The following DGLUCY variants were observed in gnomAD, a reference collection of about 807,000 sequenced individuals.
DGLUCY encodes D-glutamate cyclase, mitochondrial.
Under a neutral mutation model 58.5 loss-of-function variants are expected in DGLUCY, and 58 were observed. The observed-to-expected ratio is 0.99, with a 90% CI of 0.80 to 1.23. DGLUCY has a LOEUF of 1.23. Among genes scored for constraint, DGLUCY ranks in the 50% most tolerant of loss-of-function variants. DGLUCY has a pLI of 0.00. For missense variants in DGLUCY, 779 were observed against 784.7 expected (o/e 0.99, Z 0.09); for synonymous variants, 325 against 314.1 (o/e 1.03, Z -0.37).
chr14:91,210,674 A>G (rs1567011335), intron 12 of DGLUCY, among the ~76,000 whole-genome samples: 1 of 152,240 alleles, frequency 6.6e-6, no homozygotes, highest in Non-Finnish European at 1.5e-5. Context: ...ACACCCATTC[A>G]TGATAAAAAC....
Position 91,204,817 on chromosome 14 carries a change from T to A in DGLUCY, c.1556T>A (p.Val519Asp). 1 of 1,614,038 alleles carries A rather than the reference T, an allele frequency of 6.2e-7. No homozygotes were observed. The highest frequency in any genetic ancestry group is 8.5e-7 in the Non-Finnish European group (1 of 1,179,982). Residue 519 changes from valine (V) to aspartate (D), a missense_variant, in exon 12 of 14, where the codon GTC becomes GAC. By Grantham distance (152) the Val-to-Asp change is radical. Transcript: ENST00000256324. Reference sequence around the variant, plus strand: ...TGCGACGTGGAGGCTGACTTTGCCGTCATTGCTGGTGAGCACTCGGATGGC... The same window carrying A: ...TGCGACGTGGAGGCTGACTTTGCCGACATTGCTGGTGAGCACTCGGATGGC... Reference protein sequence around the residue: ...IACDVEADFAVIAGVSNWGGY... With the variant: ...IACDVEADFADIAGVSNWGGY...
In DGLUCY at chr14:91,155,189, G is replaced by A. The variant is rs191463283; in HGVS notation, c.-81-2450G>A. On this transcript the variant is annotated intron_variant, in intron 1 of 13. Transcript: ENST00000256324. Reference sequence around the variant, plus strand: ...ACACGATGGTAGATGGTAATTATGCGTTTAATGTCTGTCTCCTGGGACGGT... The same window carrying A: ...ACACGATGGTAGATGGTAATTATGCATTTAATGTCTGTCTCCTGGGACGGT... Among the ~76,000 whole-genome samples the A allele has an allele frequency of 1.5e-3, 234 of 152,304 alleles. 2 individuals carry two copies. The highest frequency in any genetic ancestry group is 0.014 in the Middle Eastern group (4 of 294).
chr14:91,077,806 A>G (rs2044052724), intron 1 of DGLUCY, among the ~76,000 whole-genome samples: 1 of 150,604 alleles, frequency 6.6e-6, no homozygotes, highest in African/African-American at 2.4e-5. Context: ...GGAAAGAAGA[A>G]AGGAGAGAGA....
chr14:91,077,948 AT>A (rs59859030), intron 1 of DGLUCY, among the ~76,000 whole-genome samples: 43,164 of 151,990 alleles, frequency 0.28, 6,232 homozygotes, highest in Middle Eastern at 0.32. Context: ...ATAGCAAACT[AT>A]CCCCACAAAC....
At chr14:91,222,771 A>G (rs1887705070) in intron 13 of DGLUCY, among the ~76,000 whole-genome samples, 1 of 152,212 alleles carries the variant, frequency 6.6e-6, no homozygotes, top group African/African-American at 2.4e-5. Flanking sequence ...TCGTAGCTCA[A>G]GCTGCTATTT....
intron 10 of DGLUCY, among the ~76,000 whole-genome samples, chr14:91,198,448 G>A (rs1017356832): frequency 2.7e-5 from 4 of 150,654 alleles, no homozygotes; most frequent in African/African-American, 9.8e-5. Flanking sequence ...GGGCCCAGGC[G>A]ATTCTCCCAC....
intron 7 of DGLUCY, among the ~76,000 whole-genome samples, chr14:91,178,065 G>A (rs898783054): frequency 6.6e-6 from 1 of 152,206 alleles, no homozygotes; most frequent in Non-Finnish European, 1.5e-5. Context: ...GGGCACCCCA[G>A]CATGGCATGT....
At chr14:91,140,425 A>C (rs1430178631) in intron 1 of DGLUCY, among the ~76,000 whole-genome samples, 1 of 152,184 alleles carries the variant, frequency 6.6e-6, no homozygotes, top group Admixed American at 6.5e-5. Context: ...TAACCCCAGC[A>C]CTTTGGGAGG....
At chr14:91,129,635 ATGTTTTT>A (rs1388864798) in intron 1 of DGLUCY, among the ~76,000 whole-genome samples, 1 of 150,890 alleles carries the variant, frequency 6.6e-6, no homozygotes, top group Non-Finnish European at 1.5e-5. Context: ...ATTCAACATG[ATGTTTTT>A]TGTTTTTTGT....
chr14:91,153,364 G>A (rs935726207), intron 1 of DGLUCY, among the ~76,000 whole-genome samples: 2 of 152,134 alleles, frequency 1.3e-5, no homozygotes, highest in African/African-American at 4.8e-5. Flanking sequence ...TGTATTTTTA[G>A]TAGAGACAGG....
At chr14:91,174,295 T>A (rs527422919) in intron 6 of DGLUCY, among the ~76,000 whole-genome samples, 22 of 152,286 alleles carry the variant, frequency 1.4e-4, no homozygotes, top group African/African-American at 4.3e-4. Context: ...TTATTTAATT[T>A]AATTAAATTA....
At chr14:91,177,248 G>A (rs190903881) in intron 7 of DGLUCY, among the ~76,000 whole-genome samples, 81 of 152,258 alleles carry the variant, frequency 5.3e-4, no homozygotes, top group Middle Eastern at 3.4e-3. Flanking sequence ...TGATTCTCCT[G>A]CCCCAGCCTC....
Position 91,079,904 on chromosome 14 carries a change from C to A in DGLUCY, c.-82+19200C>A, listed in dbSNP as rs561645646. On this transcript the variant is annotated intron_variant, in intron 1 of 4. Transcript: ENST00000521334. ...ATTTAAAATGTTGTATCACCATCAC[C>A]CTATCTACACCCAAAACATTCTGTC... Among the ~76,000 whole-genome samples the A allele has an allele frequency of 8.2e-4, 125 of 151,888 alleles. 1 individual carries two copies. The highest frequency in any genetic ancestry group is 1.2e-3 in the Admixed American group (19 of 15,246).
intron 1 of DGLUCY, chr14:91,091,109 A>G (rs1045433448): frequency 6.6e-6 from 1 of 152,236 alleles, no homozygotes; most frequent in African/African-American, 2.4e-5. Context: ...TTTGTCTAGA[A>G]GGTTTTCTGG....
intron 10 of DGLUCY, among the ~76,000 whole-genome samples, chr14:91,199,310 A>G (rs1397134798): frequency 6.6e-6 from 1 of 150,410 alleles, no homozygotes; most frequent in East Asian, 1.9e-4. Flanking sequence ...CCCAGGCTGG[A>G]GTGCAGTGGT....
rs111612355 is a variant in DGLUCY, at chr14:91,217,254, A to G, written c.1716+1698A>G. 1.8e-3 allele frequency among the ~76,000 whole-genome samples: 271 copies of G among 152,320 alleles called. 2 individuals are homozygous for G. Among genetic ancestry groups the G allele is most frequent in the Middle Eastern group, 6.8e-3 (2 of 294 alleles). On this transcript the variant is annotated intron_variant, in intron 13 of 13. Transcript: ENST00000256324. ...GTCAGATGTGACTTCACCTGTGAGC[A>G]GACAGCAGCCTGAGGGATTAGAGGT...
chr14:91,153,703 C>T (rs1408093352), intron 1 of DGLUCY, among the ~76,000 whole-genome samples: 6 of 152,186 alleles, frequency 3.9e-5, no homozygotes, highest in Non-Finnish European at 1.5e-5. Flanking sequence ...TCATGCAGGC[C>T]TTGCCGGGCC....
rs758165531 is a variant in DGLUCY, at chr14:91,215,616, GC to G, written c.1716+62del. The G allele has an allele frequency of 4.1e-4, 653 of 1,608,820 alleles. 1 individual carries two copies. Among genetic ancestry groups the G allele is most frequent in the Middle Eastern group, 5.0e-4 (3 of 6,060 alleles). On this transcript the variant is annotated intron_variant, in intron 13 of 13. Transcript: ENST00000256324. Reference sequence around the variant, plus strand: ...AGCTTTTACCCTGGATGAGCAGCAGGCCTGAGGTCCCAAGCCGTAAGCCGAG... The same window carrying G: ...AGCTTTTACCCTGGATGAGCAGCAGGCTGAGGTCCCAAGCCGTAAGCCGAG...
At chr14:91,164,805 C>A (rs986068547) in intron 3 of DGLUCY, among the ~76,000 whole-genome samples, 1 of 152,246 alleles carries the variant, frequency 6.6e-6, no homozygotes, top group Non-Finnish European at 1.5e-5. Flanking sequence ...CAGCACAGCA[C>A]TGGGTCTTGC....
Sources: allele counts gnomAD v4.1 joint callset (sites outside exome capture counted in the v4.1 genomes callset), GRCh38; gene constraint gnomAD v4.1.1; transcripts MANE v1.5; gene names NCBI Gene and HGNC (gene_info 2026-07-23, HGNC 2026-07-21).